Variants in NLRP12 observed in about 807,000 individuals in gnomAD.
NLRP12 encodes the protein NLR family pyrin domain containing 12, also known as NACHT, LRR and PYD domains-containing protein 12.
In NLRP12, 108 loss-of-function variants were observed where a neutral mutation model predicts 91.2. The observed-to-expected ratio is 1.18, with a 90% CI of 1.01 to 1.39. The LOEUF (loss-of-function observed/expected upper bound fraction) is 1.39. NLRP12 is among the 40% of genes most tolerant of loss of function. The pLI, the probability that NLRP12 is intolerant of heterozygous loss-of-function variation, is 0.00. For synonymous variants in NLRP12, 613 were observed against 566.7 expected (o/e 1.08, Z -1.16); for missense variants, 1,530 against 1,352.7 (o/e 1.13, Z -2.06).
chr19:53,813,179 C>A (rs2092103235), intron 2 of NLRP12, among the ~76,000 whole-genome samples: 1 of 151,836 alleles, frequency 6.6e-6, no homozygotes, highest in Non-Finnish European at 1.5e-5. Context: ...CTGTGCCTGG[C>A]CGCCAATGTC....
chr19:53,798,116 T>G, intron 8 of NLRP12, 127 bp downstream of exon 8: 1 of 1,074,758 alleles, frequency 9.3e-7, no homozygotes, highest in Non-Finnish European at 1.4e-6. Flanking sequence ...TCTTTCCACC[T>G]CTCTTCTTGC....
At chr19:53,819,445 A>ATGTGTG (rs1485262060) in intron 1 of NLRP12, among the ~76,000 whole-genome samples, 1 of 19,572 alleles carries the variant, frequency 5.1e-5, no homozygotes, top group Admixed American at 5.2e-4. Context: ...ATATATATAT[A>ATGTGTG]TATATATATA....
intron 1 of NLRP12, among the ~76,000 whole-genome samples, chr19:53,815,797 A>C (rs1432953322): frequency 6.6e-6 from 1 of 150,832 alleles, no homozygotes; most frequent in East Asian, 2.0e-4. Flanking sequence ...TTTTTAGTAG[A>C]GACAGGGTTT....
At chr19:53,800,092 A>G (rs1482143863) in intron 7 of NLRP12, among the ~76,000 whole-genome samples, 1 of 152,084 alleles carries the variant, frequency 6.6e-6, no homozygotes, top group Non-Finnish European at 1.5e-5. Flanking sequence ...TGAGGTCAGG[A>G]GAGAGAGACC....
rs371528857 is a variant in NLRP12 at position 53,810,329 on chromosome 19, G to C, written c.1330C>G (p.Gln444Glu). Reference protein sequence around the residue: ...VYMLYLLSLMQPKPGAPRLQP... With the variant: ...VYMLYLLSLMEPKPGAPRLQP... ...AGGCGCGGGGCCCCCGGCTTGGGTT[G>C]CATCAGACTCAGCAGGTAGAGCATG... Residue 444 changes from glutamine to glutamate, a missense_variant, in exon 3 of 10, where the codon CAA (glutamine) becomes GAA (glutamate). Coordinates refer to ENST00000324134, the MANE Select transcript of NLRP12 (RefSeq NM_144687.4). The C allele has an allele frequency of 1.2e-5, 19 of 1,613,452 alleles. No individual in the cohort carries two copies. Among genetic ancestry groups the C allele is most frequent in the Non-Finnish European group, 1.5e-5 (18 of 1,180,032 alleles).
At chr19:53,808,345 C>G (rs78610055) in intron 3 of NLRP12, 1 of 167,608 alleles carries the variant, frequency 6.0e-6, no homozygotes, top group Non-Finnish European at 1.3e-5. Flanking sequence ...TATCTGTCTC[C>G]GTTCTCATTA....
intron 9 of NLRP12, among the ~76,000 whole-genome samples, chr19:53,795,357 G>A (rs2091734361): frequency 6.7e-6 from 1 of 148,286 alleles, no homozygotes; most frequent in Non-Finnish European, 1.5e-5. Flanking sequence ...GAGCCACGAT[G>A]GTCCCCTTCA....
At chr19:53,812,881 C>CTTTT (rs35896834) in intron 2 of NLRP12, among the ~76,000 whole-genome samples, 4 of 125,542 alleles carry the variant, frequency 3.2e-5, no homozygotes, top group South Asian at 4.9e-4. Flanking sequence ...ATCAATATCT[C>CTTTT]TTTTTTTTTT....
chr19:53,813,333 T>C (rs1279218716), intron 2 of NLRP12, among the ~76,000 whole-genome samples: 1 of 143,146 alleles, frequency 7.0e-6, no homozygotes, highest in African/African-American at 2.6e-5. Flanking sequence ...GACAGAGTCT[T>C]GCTCTGTCAC....
chr19:53,814,420 T>C (rs1001367426), intron 2 of NLRP12, among the ~76,000 whole-genome samples: 3 of 152,168 alleles, frequency 2.0e-5, no homozygotes, highest in African/African-American at 7.2e-5. Context: ...TGGTGCAATC[T>C]TGGCTCACTG....
chr19:53,801,094 CAAAAA>C (rs35326804), intron 7 of NLRP12, 128 bp downstream of exon 7: 20 of 653,110 alleles, frequency 3.1e-5, no homozygotes, highest in Non-Finnish European at 3.5e-5. Flanking sequence ...TTGGGAGTCT[CAAAAA>C]AAAAAAAAAA....
intron 1 of NLRP12, among the ~76,000 whole-genome samples, chr19:53,817,878 G>T (rs2092186449): frequency 1.3e-5 from 2 of 151,534 alleles, no homozygotes; most frequent in Admixed American, 6.6e-5. Context: ...TGCCTCCAGG[G>T]TTCAAGTGAT....
intron 7 of NLRP12, among the ~76,000 whole-genome samples, chr19:53,799,280 G>T (rs1015338807): frequency 4.0e-5 from 6 of 151,898 alleles, no homozygotes; most frequent in African/African-American, 1.5e-4. Flanking sequence ...AAAGTGCTGG[G>T]TTTACAGGCA....
Position 53,798,230 on chromosome 19 carries a change from C to T in NLRP12, c.2927+13G>A. 3 of 1,614,140 alleles carry T rather than the reference C, an allele frequency of 1.9e-6. No individual in the cohort carries two copies. Among genetic ancestry groups the T allele is most frequent in the Non-Finnish European group, 1.7e-6 (2 of 1,180,018 alleles). On this transcript the variant is annotated intron_variant, in intron 8 of 9. Coordinates refer to ENST00000324134, the MANE Select transcript of NLRP12 (RefSeq NM_144687.4). ...ACGTGACCACTGCCACCCCGTCACT[C>T]CCCGATGCTCACCACAGTTTCTGGA...
intron 1 of NLRP12, among the ~76,000 whole-genome samples, chr19:53,820,173 CTCTT>C (rs2092245389): frequency 1.3e-5 from 2 of 152,212 alleles, no homozygotes; most frequent in Non-Finnish European, 2.9e-5. Flanking sequence ...GGAGTCAAGA[CTCTT>C]TCTGCCTTTG....
At chr19:53,801,004 T>TGTC (rs1195058606) in intron 7 of NLRP12, among the ~76,000 whole-genome samples, 31 of 150,528 alleles carry the variant, frequency 2.1e-4, no homozygotes, top group African/African-American at 7.6e-4. Context: ...ACCATCCTGC[T>TGTC]AACATGATGA....
rs185857379 is a variant in NLRP12 at position 53,822,995 on chromosome 19, T to C, written c.289+891A>G. Among the ~76,000 whole-genome samples the C allele has an allele frequency of 1.0e-3, 157 of 151,606 alleles. 1 individual carries two copies. Among genetic ancestry groups the C allele is most frequent in the African/African-American group, 3.7e-3 (154 of 41,404 alleles). ...GTTGGCCAGACTGATCTCGAATTCC[T>C]GACCTCAGGTGACCCACCCGCCTTG... On this transcript the variant is annotated intron_variant, in intron 1 of 9. Transcript: ENST00000324134.
At chr19:53,802,223 A>G (rs1019741769) in intron 6 of NLRP12, among the ~76,000 whole-genome samples, 1 of 151,774 alleles carries the variant, frequency 6.6e-6, no homozygotes, top group African/African-American at 2.4e-5. Flanking sequence ...GTGGAACTCC[A>G]TCTCAAATAA....
At chr19:53,815,123 A>G (rs2092137512) in intron 1 of NLRP12, 135 bp from the exon 2 acceptor site, 4 of 727,864 alleles carry the variant, frequency 5.5e-6, no homozygotes, top group Non-Finnish European at 9.9e-6. Context: ...TAGTGACTGC[A>G]TAGGCCGTGT....
Sources: allele counts gnomAD v4.1 joint callset (sites outside exome capture counted in the v4.1 genomes callset), GRCh38; gene constraint gnomAD v4.1.1; transcripts MANE v1.5; gene names NCBI Gene and HGNC (gene_info 2026-07-23, HGNC 2026-07-21).